The following MRPL24 variants were observed in gnomAD, a reference collection of about 807,000 sequenced individuals.
MRPL24 encodes mitochondrial ribosomal protein L24, also known as large ribosomal subunit protein uL24m.
In MRPL24, 15 loss-of-function variants were observed where a neutral mutation model predicts 26.9. The ratio of observed to expected loss-of-function variants is 0.56; its 90% CI spans 0.37 to 0.86. MRPL24 has a LOEUF of 0.86. Ranked by LOEUF, MRPL24 falls within the 40% of genes least tolerant of loss-of-function variation. The pLI is 0.00. For synonymous variants in MRPL24, 92 were observed against 102.4 expected (o/e 0.90, Z 0.62); for missense variants, 241 against 281.4 (o/e 0.86, Z 1.03).
chr1:156,741,416 C>T (rs1239827308), upstream of MRPL24: 1 of 152,182 alleles, frequency 6.6e-6, no homozygotes, highest in Non-Finnish European at 1.5e-5. Context: ...GCTTCCTGTT[C>T]AAGGCAAAGG....
At chr1:156,741,675 C>G (rs1184643977), upstream of MRPL24, 1 of 152,188 alleles carries the variant, frequency 6.6e-6, no homozygotes, top group African/African-American at 2.4e-5. Flanking sequence ...ACCCCCTCCC[C>G]CTACCACCCC....
intron 5 of MRPL24, 31 bp from the exon 6 acceptor site, chr1:156,737,565 G>A (rs1257145262): frequency 2.5e-6 from 4 of 1,603,640 alleles, no homozygotes; most frequent in East Asian, 2.2e-5. Context: ...TAGATGGGTG[G>A]GAGGGCTTGC....
At chr1:156,742,437 G>A (rs1258000233), upstream of MRPL24, 2 of 152,672 alleles carry the variant, frequency 1.3e-5, no homozygotes, top group South Asian at 2.1e-4. Context: ...CCAAATAGAA[G>A]GGGAGCCTCC....
Position 156,738,114 on chromosome 1 carries a change from C to A in MRPL24, c.300G>T (p.Lys100Asn). The change falls in exon 4 of 6, where the codon AAG (lysine) becomes AAT (asparagine). Residue 100 changes from lysine (K) to asparagine (N), a missense_variant. Transcript: ENST00000361531. ...GLNTHYRYIG[K>N]TMDYRGTMIP... is the part of the protein sequence containing the mutation. ...TCATGGTTCCCCGGTAATCCATGGTCTTGCCAATGTAGCGGTAATGCTGTC... is the reference window on the plus strand; with the variant it reads ...TCATGGTTCCCCGGTAATCCATGGTATTGCCAATGTAGCGGTAATGCTGTC... 1 of 1,614,150 alleles carries A rather than the reference C, an allele frequency of 6.2e-7. No homozygotes were observed.
Position 156,738,594 on chromosome 1 carries a change from T to TG in MRPL24, c.110dup (p.Trp38MetfsTer14), listed in dbSNP as rs775761212. ...CAACCACTGGGCGCCGCCTGATCCATGGGGGGTTCTTCCTCTTGTCTGCAA... is the reference window on the plus strand; with the variant it reads ...CAACCACTGGGCGCCGCCTGATCCATGGGGGGGTTCTTCCTCTTGTCTGCAA... On this transcript the variant is annotated frameshift_variant, in exon 2 of 6. Coordinates refer to ENST00000361531, the MANE Select transcript of MRPL24 (RefSeq NM_145729.3). LOFTEE classifies it high-confidence loss of function. The TG allele has an allele frequency of 6.2e-6, 10 of 1,613,394 alleles. No homozygotes were observed. The highest frequency in any genetic ancestry group is 4.0e-5 in the African/African-American group (3 of 74,806).
rs1001011810 is a variant in MRPL24, at chr1:156,738,048, A to C, written c.366T>G (p.Leu122=). 7 of 1,613,880 alleles carry C rather than the reference A, an allele frequency of 4.3e-6. No homozygotes were observed. In the Admixed American group the frequency reaches 8.3e-5, roughly 19 times the overall value. The change falls in exon 4 of 6, where the codon CTT becomes CTG. Residue 122 remains leucine (L), a synonymous_variant. Coordinates refer to ENST00000361531, the MANE Select transcript of MRPL24 (RefSeq NM_145729.3). ...TTGCTTGCCTGTCCATAGGATCCACAAGTTTGACCTGGCGGTGGAGCAAGG... is the reference window on the plus strand; with the variant it reads ...TTGCTTGCCTGTCCATAGGATCCACCAGTTTGACCTGGCGGTGGAGCAAGG... ...EAPLLHRQVK[L]VDPMDRKPTE...
Position 156,738,784 on chromosome 1 carries a change from C to T in MRPL24, c.-60-20G>A, listed in dbSNP as rs1479120547. 1.2e-5 allele frequency: 16 copies of T among 1,391,278 alleles called. No individual in the cohort carries two copies. Among genetic ancestry groups the T allele is most frequent in the Admixed American group, 2.4e-5 (1 of 41,276 alleles). 86.2% of individuals were successfully genotyped at this position (1,391,278 alleles called of 1,614,324 possible). On this transcript the variant is annotated intron_variant, in intron 1 of 5. Coordinates refer to ENST00000361531, the MANE Select transcript of MRPL24 (RefSeq NM_145729.3). ...TCAGCTCTGGGCAGATGGATAGAAA[C>T]GGGAACAAAGAGGCAAGGGAAGGAA...
chr1:156,741,688 C>T (rs1200391194), upstream of MRPL24: 1 of 152,166 alleles, frequency 6.6e-6, no homozygotes, highest in Non-Finnish European at 1.5e-5. Context: ...ACCACCCCAT[C>T]ACCAGCTAAG....
intron 1 of MRPL24, among the ~76,000 whole-genome samples, chr1:156,739,462 G>C (rs1305612326): frequency 2.0e-5 from 3 of 152,100 alleles, no homozygotes; most frequent in Non-Finnish European, 4.4e-5. Context: ...GTGCTTTCCT[G>C]TATCTCATTT....
At chr1:156,741,443 A>T (rs1650106904), upstream of MRPL24, 1 of 152,250 alleles carries the variant, frequency 6.6e-6, no homozygotes, top group African/African-American at 2.4e-5. Flanking sequence ...CTTTCCAGAC[A>T]GGGCTACCGC....
At chr1:156,737,998 G>T (rs768025450) in intron 4 of MRPL24, 33 bp downstream of exon 4, 1 of 1,591,166 alleles carries the variant, frequency 6.3e-7, no homozygotes, top group South Asian at 1.1e-5. Context: ...CCCAGAGGGT[G>T]AGAAACCCTC....
chr1:156,738,169 G>A, intron 3 of MRPL24, 35 bp from the exon 4 acceptor site: 3 of 1,604,934 alleles, frequency 1.9e-6, no homozygotes, highest in Non-Finnish European at 2.6e-6. Context: ...AAAGCACGGG[G>A]TGTGAAAGGG....
intron 1 of MRPL24, chr1:156,740,648 C>T (rs933396968): frequency 6.6e-6 from 1 of 152,204 alleles, no homozygotes; most frequent in African/African-American, 2.4e-5. Context: ...CCCGAGCCTT[C>T]TGTGTGATTG....
At chr1:156,742,519 T>C (rs1486107478), upstream of MRPL24, 1 of 152,164 alleles carries the variant, frequency 6.6e-6, no homozygotes, top group Non-Finnish European at 1.5e-5. Context: ...GTTAGGGGTC[T>C]TTAAAATTTT....
chr1:156,742,705 A>G (rs11556978), upstream of MRPL24: 44 of 154,812 alleles, frequency 2.8e-4, no homozygotes, highest in African/African-American at 1.1e-3. Context: ...AGGGGGACAG[A>G]TGCTCAACAC....
At chr1:156,738,809 A>G in intron 1 of MRPL24, 45 bp from the exon 2 acceptor site, 1 of 1,085,582 alleles carries the variant, frequency 9.2e-7, no homozygotes, top group African/African-American at 1.6e-5. Context: ...AAGGGAAGGA[A>G]CATTTTTTAA....
intron 4 of MRPL24, 35 bp from the exon 5 acceptor site, chr1:156,737,811 C>T (rs771033195): frequency 6.2e-7 from 1 of 1,608,884 alleles, no homozygotes; most frequent in Non-Finnish European, 8.5e-7. Flanking sequence ...GGCCTACGAG[C>T]CAGGCTTCCT....
intron 1 of MRPL24, among the ~76,000 whole-genome samples, chr1:156,739,132 C>T (rs957783362): frequency 3.3e-5 from 5 of 152,144 alleles, no homozygotes; most frequent in East Asian, 1.9e-4. Flanking sequence ...CGCTGGCATA[C>T]GGCCAAAAGG....
At chr1:156,740,191 T>C (rs1265513539) in intron 1 of MRPL24, among the ~76,000 whole-genome samples, 4 of 152,120 alleles carry the variant, frequency 2.6e-5, no homozygotes, top group Non-Finnish European at 5.9e-5. Context: ...GTTTGGGAGG[T>C]CTGTTAATTC....
Sources: allele counts gnomAD v4.1 joint callset (sites outside exome capture counted in the v4.1 genomes callset), GRCh38; gene constraint gnomAD v4.1.1; transcripts MANE v1.5; gene names NCBI Gene and HGNC (gene_info 2026-07-23, HGNC 2026-07-21).